Variants in TYW1 observed in about 807,000 individuals in gnomAD.
TYW1 encodes tRNA-yW synthesizing protein 1 homolog.
In TYW1, 46 loss-of-function variants were observed where a neutral mutation model predicts 96.2. The observed-to-expected ratio is 0.48, with a 90% CI of 0.38 to 0.61. TYW1 has a LOEUF of 0.61. Ranked by LOEUF, TYW1 falls within the 20% of genes least tolerant of loss-of-function variation. TYW1 has a pLI of 0.00. For synonymous variants in TYW1, 274 were observed against 323.0 expected (o/e 0.85, Z 1.63); for missense variants, 684 against 909.6 (o/e 0.75, Z 3.19).
At chr7:67,078,706 T>C (rs1362008365) in intron 10 of TYW1, among the ~76,000 whole-genome samples, 1 of 152,170 alleles carries the variant, frequency 6.6e-6, no homozygotes, top group Non-Finnish European at 1.5e-5. Context: ...CTTTCTTTTT[T>C]CTTTGAGACA....
At chr7:67,033,106 A>G (rs1794725182) in intron 7 of TYW1, among the ~76,000 whole-genome samples, 1 of 151,882 alleles carries the variant, frequency 6.6e-6, no homozygotes, top group Non-Finnish European at 1.5e-5. Context: ...CATATTGGCC[A>G]GGCTGGTCTT....
intron 12 of TYW1, among the ~76,000 whole-genome samples, chr7:67,102,940 C>A (rs1372864117): frequency 3.9e-5 from 6 of 152,222 alleles, no homozygotes; most frequent in South Asian, 2.1e-4. Flanking sequence ...TGAGCCATCA[C>A]GCCCGGTCAC....
At chr7:67,011,873 C>CA (rs570299951) in intron 4 of TYW1, among the ~76,000 whole-genome samples, 5,268 of 91,590 alleles carry the variant, frequency 0.058, 226 homozygotes, top group East Asian at 0.21. Context: ...ATCTCCGTCT[C>CA]AAAAAAAAAA....
At chr7:67,059,338 C>G (rs974831290) in intron 9 of TYW1, among the ~76,000 whole-genome samples, 4 of 151,462 alleles carry the variant, frequency 2.6e-5, no homozygotes, top group African/African-American at 9.7e-5. Flanking sequence ...CTCCTGACCT[C>G]GTGATCCACC....
intron 15 of TYW1, among the ~76,000 whole-genome samples, chr7:67,200,315 G>T (rs1800550017): frequency 6.6e-6 from 1 of 152,092 alleles, no homozygotes; most frequent in African/African-American, 2.4e-5. Flanking sequence ...CTTTCACGCT[G>T]CTGATAAAGA....
chr7:67,020,111 C>T (rs368837473), intron 6 of TYW1, among the ~76,000 whole-genome samples: 3 of 152,296 alleles, frequency 2.0e-5, no homozygotes, highest in African/African-American at 7.2e-5. Context: ...TGTGGAGGCT[C>T]ATGCCTATAA....
rs558113566 is a variant in TYW1, at chr7:67,013,346, C to T, written c.376-1021C>T. ...CTGTGTTGCTTAGGCTGGTCTTGAA[C>T]TCCTGATCTCAAGTGATCCACCCGC... On this transcript the variant is annotated intron_variant, in intron 4 of 15. Transcript: ENST00000359626. Among the ~76,000 whole-genome samples the T allele has an allele frequency of 1.4e-4, 22 of 152,128 alleles. 1 individual carries two copies. In the South Asian group the frequency reaches 4.4e-3, roughly 30 times the overall value.
chr7:67,077,771 C>A (rs1796249361), intron 10 of TYW1, among the ~76,000 whole-genome samples: 1 of 152,100 alleles, frequency 6.6e-6, no homozygotes, highest in Non-Finnish European at 1.5e-5. Context: ...TTTGTTTTTA[C>A]TTTTGTTGCC....
At chr7:67,208,871 G>A (rs1395675388) in intron 15 of TYW1, among the ~76,000 whole-genome samples, 3 of 152,098 alleles carry the variant, frequency 2.0e-5, no homozygotes, top group Non-Finnish European at 4.4e-5. Context: ...ATACTTTGTG[G>A]TCGTTGGCAG....
At chr7:67,032,726 A>G (rs1034733066) in intron 7 of TYW1, among the ~76,000 whole-genome samples, 2 of 152,012 alleles carry the variant, frequency 1.3e-5, no homozygotes, top group African/African-American at 4.8e-5. Context: ...CTCTCTTTCC[A>G]GGGAATGTTT....
chr7:67,111,507 G>A (rs13246031), intron 12 of TYW1, among the ~76,000 whole-genome samples: 3 of 152,048 alleles, frequency 2.0e-5, no homozygotes, highest in South Asian at 4.1e-4. Flanking sequence ...GGCCAGAAAA[G>A]CATTTTCAAA....
At chr7:67,121,433 CGGGAGG>C (rs1797757318) in intron 13 of TYW1, among the ~76,000 whole-genome samples, 2 of 152,162 alleles carry the variant, frequency 1.3e-5, no homozygotes, top group South Asian at 4.2e-4. Context: ...CCCAGCTACT[CGGGAGG>C]CTGAGGCAGG....
intron 14 of TYW1, among the ~76,000 whole-genome samples, chr7:67,190,669 G>A (rs1176078955): frequency 3.3e-5 from 5 of 152,204 alleles, no homozygotes; most frequent in South Asian, 2.1e-4. Flanking sequence ...CGCAAGCTAC[G>A]GAGGCAGGTG....
At chr7:67,213,512 C>T (rs889603249) in intron 15 of TYW1, among the ~76,000 whole-genome samples, 3 of 152,208 alleles carry the variant, frequency 2.0e-5, no homozygotes, top group African/African-American at 7.2e-5. Flanking sequence ...TTATGCCCTT[C>T]TCAGAGCAAA....
intron 9 of TYW1, among the ~76,000 whole-genome samples, chr7:67,057,194 TA>T (rs1795546972): frequency 6.6e-6 from 1 of 151,808 alleles, no homozygotes; most frequent in African/African-American, 2.4e-5. Flanking sequence ...TTTCTATTTT[TA>T]GTAGAGATGG....
chr7:67,042,337 T>C (rs1795054948), intron 7 of TYW1, among the ~76,000 whole-genome samples: 1 of 139,878 alleles, frequency 7.1e-6, no homozygotes, highest in Non-Finnish European at 1.6e-5. Flanking sequence ...TGTAGTACTA[T>C]TTAAGACTTC....
chr7:67,192,770 A>G (rs1563064591), intron 14 of TYW1, among the ~76,000 whole-genome samples: 1 of 152,196 alleles, frequency 6.6e-6, no homozygotes, highest in East Asian at 1.9e-4. Context: ...GGGGGAAAAG[A>G]AAGCTTTTTT....
At chr7:67,149,867 G>T (rs1413378491) in intron 13 of TYW1, among the ~76,000 whole-genome samples, 2 of 151,842 alleles carry the variant, frequency 1.3e-5, no homozygotes, top group Non-Finnish European at 2.9e-5. Flanking sequence ...ACCCCGACCT[G>T]GTCCAGTGGC....
chr7:67,081,333 T>G (rs1796386702), intron 10 of TYW1, among the ~76,000 whole-genome samples: 1 of 151,438 alleles, frequency 6.6e-6, no homozygotes. Flanking sequence ...TCCTTACATG[T>G]GACGTGATGC....
Sources: gnomAD v4.1 joint callset for allele counts (sites outside exome capture counted in the v4.1 genomes callset) on GRCh38, gnomAD v4.1.1 for gene constraint, MANE v1.5 for transcripts, NCBI Gene and HGNC (gene_info 2026-07-23, HGNC 2026-07-21) for gene names.